CPNE2: variants seen among roughly 807,000 people sequenced by gnomAD.
CPNE2 encodes copine 2, also known as copine-2.
Under a neutral mutation model 69.7 loss-of-function variants are expected in CPNE2, and 42 were observed. The observed-to-expected ratio is 0.60, with a 90% CI of 0.47 to 0.78. CPNE2 has a LOEUF of 0.78. Among genes scored for constraint, CPNE2 ranks in the 30% least tolerant of loss-of-function variants. The pLI, the probability that CPNE2 is intolerant of heterozygous loss-of-function variation, is 0.00. For synonymous variants in CPNE2, 294 were observed against 289.8 expected (o/e 1.01, Z -0.15); for missense variants, 587 against 732.0 (o/e 0.80, Z 2.29).
chr16:57,129,611 G>A (rs1203477800), intron 12 of CPNE2, among the ~76,000 whole-genome samples: 4 of 152,204 alleles, frequency 2.6e-5, no homozygotes, highest in Admixed American at 1.3e-4. Flanking sequence ...TGAGGTCAGA[G>A]AGTTTGAGAT....
chr16:57,101,532 T>C (rs1434297948), intron 1 of CPNE2, among the ~76,000 whole-genome samples: 1 of 152,242 alleles, frequency 6.6e-6, no homozygotes, highest in Admixed American at 6.5e-5. Flanking sequence ...GAGACCTGGC[T>C]GGAAGCTCGG....
chr16:57,134,928 T>C, intron 13 of CPNE2, 102 bp downstream of exon 13: 1 of 1,232,958 alleles, frequency 8.1e-7, no homozygotes, highest in Non-Finnish European at 1.2e-6. Context: ...TTCTTTCTCC[T>C]TTCCCCTCCC....
At chr16:57,128,305 C>G (rs1881924263) in intron 12 of CPNE2, among the ~76,000 whole-genome samples, 1 of 152,202 alleles carries the variant, frequency 6.6e-6, no homozygotes, top group South Asian at 2.1e-4. Flanking sequence ...TCTCCACTTA[C>G]AGCAACCTCC....
In CPNE2 at chr16:57,135,661, G is replaced by A. The variant is rs139298886; in HGVS notation, c.1168+835G>A. Among the ~76,000 whole-genome samples, 1,085 of 151,274 alleles carry A rather than the reference G, an allele frequency of 7.2e-3. 11 individuals carry two copies. Among genetic ancestry groups the A allele is most frequent in the African/African-American group, 0.025 (1,050 of 41,190 alleles). On this transcript the variant is annotated intron_variant, in intron 13 of 15. Coordinates refer to ENST00000290776, the MANE Select transcript of CPNE2 (RefSeq NM_152727.6). ...GAAGGCCAAGGTGGGTAGATCAGAG[G>A]TCAGGAGTTCAAGACCAGCCTGGCC...
intron 13 of CPNE2, among the ~76,000 whole-genome samples, chr16:57,135,277 G>T (rs1322818673): frequency 7.4e-6 from 1 of 134,400 alleles, no homozygotes; most frequent in Non-Finnish European, 1.6e-5. Flanking sequence ...CTTGGCGGGG[G>T]ATCAGGGGGA....
intron 9 of CPNE2, 111 bp from the exon 10 acceptor site, chr16:57,123,303 T>C (rs1407912881): frequency 4.5e-5 from 50 of 1,106,444 alleles, no homozygotes; most frequent in Non-Finnish European, 6.2e-5. Context: ...GCCCATCAGC[T>C]TTTTTTGACC....
At chr16:57,095,896 C>T (rs542568333) in intron 1 of CPNE2, among the ~76,000 whole-genome samples, 7 of 152,354 alleles carry the variant, frequency 4.6e-5, no homozygotes, top group Admixed American at 4.6e-4. Flanking sequence ...ATTTGCCACT[C>T]TTTAAAACCA....
rs570427159 is a variant in CPNE2, at chr16:57,117,630, G to C, written c.507+63G>C. ...TAGCCCCCACCAGCCCCAGGGCTGT[G>C]TGGCCTCATTCCGGGACCTCGGGCC... On this transcript the variant is annotated intron_variant, in intron 5 of 15. Coordinates refer to ENST00000290776, the MANE Select transcript of CPNE2 (RefSeq NM_152727.6). 1.3e-4 allele frequency: 207 copies of C among 1,575,858 alleles called. 4 individuals carry two copies. In the South Asian group the frequency reaches 2.2e-3, roughly 17 times the overall value.
At chr16:57,124,365 AGTCACTGG>A (rs1202291876) in intron 10 of CPNE2, 1 of 456,228 alleles carries the variant, frequency 2.2e-6, no homozygotes, top group South Asian at 1.6e-5. Context: ...TACAGGCATG[AGTCACTGG>A]GCCTGGCCCT....
intron 9 of CPNE2, 22 bp downstream of exon 9, chr16:57,121,782 C>G (rs368381885): frequency 6.2e-7 from 1 of 1,610,350 alleles, no homozygotes; most frequent in East Asian, 2.2e-5. Flanking sequence ...TGGGCAAGCA[C>G]GAGCCAGGGG....
chr16:57,133,227 G>A (rs773019296), intron 12 of CPNE2, among the ~76,000 whole-genome samples: 127 of 152,262 alleles, frequency 8.3e-4, no homozygotes, highest in Non-Finnish European at 1.6e-3. Context: ...CCCTGGACAG[G>A]GACAGGACCC....
intron 5 of CPNE2, among the ~76,000 whole-genome samples, chr16:57,118,438 G>T (rs2069736444): frequency 6.6e-6 from 1 of 151,550 alleles, no homozygotes; most frequent in Non-Finnish European, 1.5e-5. Context: ...CTCCCAAAGT[G>T]CTGGGATTAC....
At chr16:57,138,307 A>C (rs2069897634) in intron 14 of CPNE2, among the ~76,000 whole-genome samples, 1 of 151,490 alleles carries the variant, frequency 6.6e-6, no homozygotes, top group South Asian at 2.1e-4. Context: ...AAATTCACCC[A>C]CTTCCCCATG....
Position 57,110,925 on chromosome 16 carries a change from G to A in CPNE2, c.180+3G>A. On this transcript the variant is annotated splice_donor_region_variant and intron_variant, in intron 2 of 15. Transcript: ENST00000290776. ...AGAACAATGGCAGATGGATCGAGGT[G>A]AGGCTCTTCCGTGTGTCTGCGGTGG... 6.2e-7 allele frequency: 1 copy of A among 1,610,320 alleles called. No individual in the cohort carries two copies. Among genetic ancestry groups the A allele is most frequent in the Non-Finnish European group, 8.5e-7 (1 of 1,178,002 alleles).
rs1426114212 is a variant in CPNE2 at position 57,115,528 on chromosome 16, C to T, written c.413C>T (p.Pro138Leu). Residue 138 changes from proline to leucine, a missense_variant, in exon 4 of 16, where the codon CCT becomes CTT. Physicochemically the swap from Pro to Leu is moderately conservative, Grantham distance 98. Transcript: ENST00000290776. The stretch of plus-strand genomic sequence containing the variant: ...CCTCTGCTGCTGCTGAATGACAAGC[C>T]TGCGGGGAAGGGCTTGATTACGGTA... ...TRPLLLLNDKPAGKGLITIAA... is the reference protein window; with the variant it reads ...TRPLLLLNDKLAGKGLITIAA... The T allele has an allele frequency of 1.2e-6, 2 of 1,612,406 alleles. No individual in the cohort carries two copies. The highest frequency in any genetic ancestry group is 2.7e-5 in the African/African-American group (2 of 74,958).
intron 14 of CPNE2, 110 bp from the exon 15 acceptor site, chr16:57,145,975 A>G: frequency 1.1e-6 from 1 of 894,460 alleles, no homozygotes; most frequent in South Asian, 1.6e-5. Context: ...CAGCTGGGTA[A>G]GATGCACTGC....
At chr16:57,135,384 A>C (rs892552500) in intron 13 of CPNE2, among the ~76,000 whole-genome samples, 3 of 152,188 alleles carry the variant, frequency 2.0e-5, no homozygotes, top group Non-Finnish European at 2.9e-5. Flanking sequence ...AGAAACTATT[A>C]GAGGCCGGAT....
intron 1 of CPNE2, among the ~76,000 whole-genome samples, chr16:57,107,865 CTTTTTTTTTT>C (rs11347830): frequency 2.0e-5 from 2 of 98,796 alleles, no homozygotes; most frequent in African/African-American, 8.1e-5. Context: ...ACAGAGCAAT[CTTTTTTTTTT>C]TTTTTTTTTT....
rs117252797 is a variant in CPNE2, at chr16:57,114,878, G to A, written c.361-598G>A. Among the ~76,000 whole-genome samples the A allele has an allele frequency of 2.8e-5, 4 of 145,242 alleles. No individual in the cohort carries two copies. In the East Asian group the frequency reaches 8.4e-4, roughly 30 times the overall value. On this transcript the variant is annotated intron_variant, in intron 3 of 15. Transcript: ENST00000290776. ...TTTGGGAGGCCAAGGCGGGAAGATCGCTTGAGCCTGGAGTTCGAGACCAGC... is the reference window on the plus strand; with the variant it reads ...TTTGGGAGGCCAAGGCGGGAAGATCACTTGAGCCTGGAGTTCGAGACCAGC...
Sources: allele counts gnomAD v4.1 joint callset (sites outside exome capture counted in the v4.1 genomes callset), GRCh38; gene constraint gnomAD v4.1.1; transcripts MANE v1.5; gene names NCBI Gene and HGNC (gene_info 2026-07-23, HGNC 2026-07-21).